The following LRP1B variants were observed in gnomAD, a reference collection of about 807,000 sequenced individuals.
LRP1B encodes low-density lipoprotein receptor-related protein 1B.
LRP1B carries 217 observed loss-of-function variants against 556.6 expected under a neutral mutation model. The ratio of observed to expected loss-of-function variants is 0.39; its 90% confidence interval spans 0.35 to 0.44. The LOEUF (loss-of-function observed/expected upper bound fraction) is 0.44, where lower values mean the gene tolerates loss of function less well. LRP1B is among the 20% of genes least tolerant of loss of function. LRP1B has a pLI of 1.00. For missense variants in LRP1B, 5,053 were observed against 5,620.8 expected, an observed-to-expected ratio of 0.90 and a Z score of 3.23; for synonymous variants, 2,047 against 1,865.8, an observed-to-expected ratio of 1.10 and a Z score of -2.50.
At chr2:140,262,913 C>T (rs966967099) in intron 86 of LRP1B, among the ~76,000 whole-genome samples, 12 of 151,992 alleles carry the variant, frequency 7.9e-5, no homozygotes, top group African/African-American at 1.9e-4. Flanking sequence ...GTGCGAAAAC[C>T]GATAAAAATA....
At chr2:141,985,333 G>A (rs536215795) in intron 1 of LRP1B, among the ~76,000 whole-genome samples, 17 of 152,116 alleles carry the variant, frequency 1.1e-4, no homozygotes, top group Non-Finnish European at 2.2e-4. Flanking sequence ...GGATGCAAAG[G>A]AGCTTGAAAA....
chr2:141,957,459 G>A (rs926783421), intron 1 of LRP1B, among the ~76,000 whole-genome samples: 4 of 151,658 alleles, frequency 2.6e-5, no homozygotes, highest in Admixed American at 2.6e-4. Context: ...CACTTTACTA[G>A]GATTCAAATA....
chr2:141,525,803 T>A (rs959964588), intron 2 of LRP1B, among the ~76,000 whole-genome samples: 5 of 152,042 alleles, frequency 3.3e-5, no homozygotes, highest in Non-Finnish European at 5.9e-5. Context: ...CCAGTTAAAT[T>A]TGGATTTCTG....
At chr2:140,837,496 T>G (rs990957514) in intron 31 of LRP1B, among the ~76,000 whole-genome samples, 2 of 152,178 alleles carry the variant, frequency 1.3e-5, no homozygotes, top group African/African-American at 2.4e-5. Context: ...AAATTAAAAC[T>G]TTTAAAAAGT....
chr2:140,570,175 C>A (rs1452452071), intron 43 of LRP1B, among the ~76,000 whole-genome samples: 1 of 150,896 alleles, frequency 6.6e-6, no homozygotes, highest in Non-Finnish European at 1.5e-5. Flanking sequence ...GATAGAAATA[C>A]TATAGATTGG....
chr2:140,480,883 G>A (rs2105355637), intron 59 of LRP1B, among the ~76,000 whole-genome samples: 1 of 152,070 alleles, frequency 6.6e-6, no homozygotes, highest in East Asian at 1.9e-4. Context: ...ACCTTATTTT[G>A]AGAGAAAAAG....
chr2:140,283,617 AATTTG>A (rs1421125577), intron 84 of LRP1B, among the ~76,000 whole-genome samples: 2 of 151,772 alleles, frequency 1.3e-5, no homozygotes, highest in African/African-American at 2.4e-5. Context: ...AATTATCAAA[AATTTG>A]ATTTGAGTGA....
intron 12 of LRP1B, among the ~76,000 whole-genome samples, chr2:141,018,536 T>G (rs957849410): frequency 6.6e-6 from 1 of 152,090 alleles, no homozygotes; most frequent in Non-Finnish European, 1.5e-5. Flanking sequence ...ATGAGAGAGA[T>G]GGAACTAGTG....
In LRP1B at chr2:140,743,993, T is replaced by TAAAAAAAAAAAAAAAAAAAAAAAAAAAA. The variant is rs1297190080; in HGVS notation, c.5758+25219_5758+25220insTTTTTTTTTTTTTTTTTTTTTTTTTTTT. Among the ~76,000 whole-genome samples, 2 of 7,162 alleles carry TAAAAAAAAAAAAAAAAAAAAAAAAAAAA rather than the reference T, an allele frequency of 2.8e-4. 1 individual carries two copies. 4.7% of individuals were successfully genotyped at this position (7,162 alleles called of 152,430 possible). ...AAAAAAAAAAAAAAAAAAAAAAAAG[T>TAAAAAAAAAAAAAAAAAAAAAAAAAAAA]AAAAAGTAAAATCCATAGACATAGA... On this transcript the variant is annotated intron_variant, in intron 35 of 90. Transcript: ENST00000389484.
chr2:141,778,746 G>C (rs1389895131), intron 2 of LRP1B, among the ~76,000 whole-genome samples: 1 of 152,206 alleles, frequency 6.6e-6, no homozygotes, highest in Non-Finnish European at 1.5e-5. Flanking sequence ...CCTTGCTCTA[G>C]CAGCCTTTGA....
chr2:140,624,032 C>T (rs1260014330), intron 41 of LRP1B, among the ~76,000 whole-genome samples: 1 of 141,500 alleles, frequency 7.1e-6, no homozygotes, highest in African/African-American at 2.6e-5. Flanking sequence ...TAGAAACTAG[C>T]AAATGTCCAA....
At chr2:141,499,790 T>C (rs1432793202) in intron 2 of LRP1B, among the ~76,000 whole-genome samples, 2 of 152,026 alleles carry the variant, frequency 1.3e-5, no homozygotes, top group African/African-American at 2.4e-5. Context: ...AAATAAAATA[T>C]ATAGGATTTG....
chr2:140,679,895 A>T (rs1043837326), intron 41 of LRP1B, among the ~76,000 whole-genome samples: 2 of 151,826 alleles, frequency 1.3e-5, no homozygotes, highest in African/African-American at 4.8e-5. Flanking sequence ...ACTTTTTATG[A>T]GGTTTGTTTA....
intron 2 of LRP1B, among the ~76,000 whole-genome samples, chr2:141,786,254 C>G (rs1374149683): frequency 6.6e-6 from 1 of 151,908 alleles, no homozygotes. Context: ...AAAGTGGAAG[C>G]CTTCAGTATT....
chr2:142,028,568 G>C (rs1177439319), intron 1 of LRP1B, among the ~76,000 whole-genome samples: 2 of 151,894 alleles, frequency 1.3e-5, no homozygotes, highest in East Asian at 3.9e-4. Context: ...TTTATCTGTT[G>C]ATCAGTTGAT....
intron 60 of LRP1B, among the ~76,000 whole-genome samples, chr2:140,469,275 C>T (rs1687671744): frequency 6.6e-6 from 1 of 152,086 alleles, no homozygotes; most frequent in Non-Finnish European, 1.5e-5. Context: ...ATAAAAGAAA[C>T]TCAAAGGAGC....
intron 6 of LRP1B, among the ~76,000 whole-genome samples, chr2:141,199,744 C>T (rs541652529): frequency 2.6e-5 from 4 of 151,482 alleles, no homozygotes; most frequent in African/African-American, 9.7e-5. Context: ...TTTGTCCAAC[C>T]CCATTAAAAA....
At chr2:141,215,681 C>T (rs80165630) in intron 6 of LRP1B, among the ~76,000 whole-genome samples, 117 of 152,306 alleles carry the variant, frequency 7.7e-4, no homozygotes, top group African/African-American at 2.7e-3. Context: ...AAGTTGGCTG[C>T]ATTCTCTTCA....
In LRP1B at chr2:140,994,120, G is replaced by C. The variant is rs946435404; in HGVS notation, c.2519C>G (p.Ala840Gly). ...GTTCTFNPGEALPHICKAGEF... is the reference protein window; with the variant it reads ...GTTCTFNPGEGLPHICKAGEF... ...TCCAGCTTTACATATGTGAGGTAGT[G>C]CTTCTCCAGGATTAACTAGAGTTAA... The change falls in exon 16 of 91, where the codon GCA (alanine) becomes GGA (glycine). Residue 840 changes from alanine to glycine, a missense_variant. Transcript: ENST00000389484. 1.9e-6 allele frequency: 3 copies of C among 1,612,400 alleles called. No homozygotes were observed. Among genetic ancestry groups the C allele is most frequent in the Non-Finnish European group, 2.5e-6 (3 of 1,178,932 alleles).
Sources: gnomAD v4.1 joint callset for allele counts (sites outside exome capture counted in the v4.1 genomes callset) on GRCh38, gnomAD v4.1.1 for gene constraint, MANE v1.5 for transcripts, NCBI Gene and HGNC (gene_info 2026-07-23, HGNC 2026-07-21) for gene names.